SYT12: variants seen among roughly 807,000 people sequenced by gnomAD.
SYT12 encodes synaptotagmin 12, also known as synaptotagmin-12.
In SYT12, 27 loss-of-function variants were observed where a neutral mutation model predicts 39.5. The observed-to-expected ratio is 0.68, with a 90% CI of 0.50 to 0.94. The LOEUF (loss-of-function observed/expected upper bound fraction) is 0.94. SYT12 is among the 40% of genes least tolerant of loss of function. The pLI is 0.00. For missense variants in SYT12, 536 were observed against 572.6 expected, an observed-to-expected ratio of 0.94 and a Z score of 0.65; for synonymous variants, 233 against 239.7, an observed-to-expected ratio of 0.97 and a Z score of 0.26.
rs764049998 is a variant in SYT12 at position 67,040,179 on chromosome 11, C to T, written c.597C>T (p.Asp199=). Residue 199 remains aspartate, a synonymous_variant, in exon 4 of 8, where the codon GAC becomes GAT. Transcript: ENST00000527043. ...TCATGCGCGTCAGCCTGCTGCCGGA[C>T]GAGCAGATCGTGGGCATTTCTCGGG... ...SCFMRVSLLP[D]EQIVGISRIQ... 26 of 1,583,240 alleles carry T rather than the reference C, an allele frequency of 1.6e-5. No individual in the cohort carries two copies. The highest frequency in any genetic ancestry group is 6.8e-5 in the Admixed American group (4 of 58,984).
At chr11:67,044,346 G>C (rs899791295) in intron 5 of SYT12, among the ~76,000 whole-genome samples, 2 of 152,086 alleles carry the variant, frequency 1.3e-5, no homozygotes, top group Non-Finnish European at 2.9e-5. Flanking sequence ...CTGACCCTCC[G>C]CCCCAGGCAG....
chr11:67,019,722 A>G (rs1565328039), upstream of SYT12, among the ~76,000 whole-genome samples: 1 of 151,684 alleles, frequency 6.6e-6, no homozygotes, highest in Non-Finnish European at 1.5e-5. Context: ...ACGTGGCAAA[A>G]CCCTGTCTCT....
At chr11:67,033,624 G>C (rs940341603) in intron 2 of SYT12, among the ~76,000 whole-genome samples, 1 of 152,208 alleles carries the variant, frequency 6.6e-6, no homozygotes, top group Non-Finnish European at 1.5e-5. Flanking sequence ...CCCCTTCTGG[G>C]CTCTGTGACC....
rs1950363998 is a variant in SYT12 at position 67,035,837 on chromosome 11, C to CTTT, written c.228+999_228+1000insTTT. Among the ~76,000 whole-genome samples, 12 of 111,142 alleles carry CTTT rather than the reference C, an allele frequency of 1.1e-4. 1 individual carries two copies. In the East Asian group the frequency reaches 3.1e-3, roughly 29 times the overall value. The allele number at this position is 111,142 out of a possible 152,430, so 72.9% of individuals were successfully genotyped here. On this transcript the variant is annotated intron_variant, in intron 3 of 7. Coordinates refer to ENST00000527043, the MANE Select transcript of SYT12 (RefSeq NM_177963.4). Reference sequence around the variant, plus strand: ...TCCTTCCTTCCTTCCTTCCTTCCTTCCTTTCTTTCTTTCTTTCTTTCTTTC... The same window carrying CTTT: ...TCCTTCCTTCCTTCCTTCCTTCCTTCTTTCTTTCTTTCTTTCTTTCTTTCTTTC...
At chr11:67,017,312 G>A (rs970719822) in intron 3 of SYT12, among the ~76,000 whole-genome samples, 1 of 151,948 alleles carries the variant, frequency 6.6e-6, no homozygotes, top group African/African-American at 2.4e-5. Flanking sequence ...ATTTGAGCCC[G>A]GGAGTTCAAG....
At position 67,040,144 on chromosome 11, in the gene SYT12, G is replaced by A. The variant is rs780429024; in HGVS notation, c.562G>A (p.Glu188Lys). 11 of 1,609,372 alleles carry A rather than the reference G, an allele frequency of 6.8e-6. No homozygotes were observed. The highest frequency in any genetic ancestry group is 5.0e-5 in the Admixed American group (3 of 59,860). ...CCTGGAGCGGGAGGAGGCCAGCTTC[G>A]AGTCCTGCTTCATGCGCGTCAGCCT... is the stretch of plus-strand genomic sequence containing the variant. ...DLLEREEASF[E>K]SCFMRVSLLP... The change falls in exon 4 of 8, where the codon GAG (glutamate) becomes AAG (lysine). Residue 188 changes from glutamate to lysine, a missense_variant. Glu to Lys is a moderately conservative substitution (Grantham distance 56). Transcript: ENST00000527043.
chr11:67,044,726 C>T lies in SYT12; in HGVS notation c.958+13C>T, dbSNP rs372461214. The T allele has an allele frequency of 5.6e-5, 91 of 1,613,248 alleles. No individual in the cohort carries two copies. Among genetic ancestry groups the T allele is most frequent in the Middle Eastern group, 3.3e-4 (2 of 6,062 alleles). On this transcript the variant is annotated intron_variant, in intron 6 of 7. Coordinates refer to ENST00000527043, the MANE Select transcript of SYT12 (RefSeq NM_177963.4). ...AAGACCACAGCGGGTAAGGCCCAGC[C>T]GGCAGCCCGGCTCCTCCACGTAGCT...
chr11:67,034,374 G>T (rs1053482660), intron 2 of SYT12, among the ~76,000 whole-genome samples: 3 of 152,152 alleles, frequency 2.0e-5, no homozygotes, highest in African/African-American at 7.2e-5. Flanking sequence ...GTCTATTGGA[G>T]CATTTTGGAT....
At chr11:67,016,303 A>ATAAG (rs1950059155) in intron 3 of SYT12, among the ~76,000 whole-genome samples, 1 of 152,048 alleles carries the variant, frequency 6.6e-6, no homozygotes, top group Non-Finnish European at 1.5e-5. Flanking sequence ...AAATAAATAA[A>ATAAG]TAAAAGATGT....
upstream of SYT12, chr11:67,022,983 C>T (rs1950128530): frequency 6.6e-6 from 1 of 152,286 alleles, no homozygotes; most frequent in Non-Finnish European, 1.5e-5. Context: ...GAGGCTGGGG[C>T]TAGAACCCAG....
chr11:67,045,928 G>T (rs780542296), intron 7 of SYT12, 51 bp downstream of exon 7: 1 of 1,607,088 alleles, frequency 6.2e-7, no homozygotes, highest in South Asian at 1.1e-5. Flanking sequence ...AGGGCTCTGG[G>T]GCTGCCGCAT....
chr11:67,048,598 CG>C lies in SYT12; in HGVS notation c.1108del (p.Val370Ter), dbSNP rs1441241906. On this transcript the variant is annotated frameshift_variant, in exon 8 of 8. Coordinates refer to ENST00000527043, the MANE Select transcript of SYT12 (RefSeq NM_177963.4). LOFTEE classifies it high-confidence loss of function. ...CTCTTCCTCAGGACCTGTCTCTCCG[CG>C]TGACGGTGGCTGAGAGCAGCAGCGA... ...AIVLQDLSLR[V>X]TVAESSSDGR... 6.2e-7 allele frequency: 1 copy of C among 1,602,490 alleles called. No homozygotes were observed. Among genetic ancestry groups the C allele is most frequent in the Non-Finnish European group, 8.5e-7 (1 of 1,170,794 alleles).
intron 4 of SYT12, 98 bp from the exon 5 acceptor site, chr11:67,043,540 A>C: frequency 8.9e-7 from 1 of 1,129,444 alleles, no homozygotes; most frequent in Non-Finnish European, 1.3e-6. Context: ...CAACAGAGCC[A>C]GGACTCTAGC....
chr11:67,048,654 TCATTGGG>T lies in SYT12; in HGVS notation c.1165_1171del (p.Ile389ArgfsTer58), dbSNP rs1183714526. The T allele has an allele frequency of 1.2e-6, 2 of 1,612,898 alleles. No individual in the cohort carries two copies. Among genetic ancestry groups the T allele is most frequent in the South Asian group, 2.2e-5 (2 of 91,062 alleles). ...CGTGGGGACAACGTGGGCCATGTCA[TCATTGGG>T]CCGTCAGCCAGTGGCATGGGAACCA... On this transcript the variant is annotated frameshift_variant, in exon 8 of 8. Transcript: ENST00000527043. LOFTEE classifies it high-confidence loss of function.
intron 3 of SYT12, among the ~76,000 whole-genome samples, chr11:67,013,312 G>A (rs1202450967): frequency 1.3e-5 from 2 of 152,230 alleles, no homozygotes; most frequent in East Asian, 3.9e-4. Context: ...GGCCATGCAA[G>A]CTCTTGTGTC....
At chr11:67,035,662 T>C (rs1305204850) in intron 3 of SYT12, among the ~76,000 whole-genome samples, 4 of 151,658 alleles carry the variant, frequency 2.6e-5, no homozygotes, top group African/African-American at 4.8e-5. Flanking sequence ...TTTCACCATG[T>C]TAGCCAGGAT....
At chr11:67,027,787 A>G (rs1950202084) in intron 1 of SYT12, 1 of 152,224 alleles carries the variant, frequency 6.6e-6, no homozygotes, top group South Asian at 2.1e-4. Context: ...TGCTGCGGGC[A>G]TTGGCTGTCC....
chr11:67,050,111 G>A lies in SYT12; in HGVS notation c.*1354G>A, dbSNP rs1318785745. 6.6e-6 allele frequency: 1 copy of A among 152,154 alleles called. No individual in the cohort carries two copies. The highest frequency in any genetic ancestry group is 1.5e-5 in the Non-Finnish European group (1 of 68,084). 9.4% of individuals were successfully genotyped at this position (152,154 alleles called of 1,614,324 possible). On this transcript the variant is annotated 3_prime_UTR_variant, in exon 8 of 8. Transcript: ENST00000527043. Reference sequence around the variant, plus strand: ...GGGGGCAGGGGCCTGGAGTACGAGGGGCACCCTGGGGGCTCCCACCCAGAA... The same window carrying A: ...GGGGGCAGGGGCCTGGAGTACGAGGAGCACCCTGGGGGCTCCCACCCAGAA...
intron 2 of SYT12, chr11:67,031,698 T>TG (rs2136212403): frequency 6.6e-6 from 1 of 152,372 alleles, no homozygotes; most frequent in South Asian, 2.1e-4. Context: ...GTCACCTTCC[T>TG]GGGGCTTTTC....
Sources: gnomAD v4.1 joint callset for allele counts (sites outside exome capture counted in the v4.1 genomes callset) on GRCh38, gnomAD v4.1.1 for gene constraint, MANE v1.5 for transcripts, NCBI Gene and HGNC (gene_info 2026-07-23, HGNC 2026-07-21) for gene names.